Variants in SLC22A24 observed in about 807,000 individuals in gnomAD.
The protein encoded by SLC22A24 is steroid transmembrane transporter SLC22A24.
In SLC22A24, 53 loss-of-function variants were observed where a neutral mutation model predicts 49.8. That is an observed-to-expected ratio of 1.06 (90% CI 0.85 to 1.34). The LOEUF is 1.34. Among genes scored for constraint, SLC22A24 ranks in the 40% most tolerant of loss-of-function variants. SLC22A24 has a pLI of 0.00. For missense variants in SLC22A24, 786 were observed against 675.9 expected (o/e 1.16, Z -1.81); for synonymous variants, 302 against 256.4 (o/e 1.18, Z -1.70).
intron 6 of SLC22A24, among the ~76,000 whole-genome samples, chr11:63,087,024 G>GTGCGCACACACACACA (rs1555045311): frequency 7.5e-6 from 1 of 132,556 alleles, no homozygotes; most frequent in Non-Finnish European, 1.5e-5. Flanking sequence ...CCTGGAGGGC[G>GTGCGCACACACACACA]CACACACACA....
chr11:63,083,119 C>A, intron 7 of SLC22A24, 124 bp downstream of exon 7: 1 of 758,002 alleles, frequency 1.3e-6, no homozygotes, highest in Non-Finnish European at 2.2e-6. Context: ...CTCATATTAA[C>A]TTCAGGGAAT....
chr11:63,083,396 C>A lies in SLC22A24; in HGVS notation c.1132G>T (p.Val378Phe), dbSNP rs776404917. 4 of 1,551,468 alleles carry A rather than the reference C, an allele frequency of 2.6e-6. No individual in the cohort carries two copies. The South Asian group carries it at 4.8e-5, about 18-fold the overall frequency. The change falls in exon 7 of 10, where the codon GTC becomes TTC. Residue 378 changes from valine to phenylalanine, a missense_variant. By Grantham distance (50) the Val-to-Phe change is conservative. Coordinates refer to ENST00000612278, the MANE Select transcript of SLC22A24 (RefSeq NM_001136506.2). ...ILNLQHLGSNVSLFQILCGAV... is the reference protein window; with the variant it reads ...ILNLQHLGSNFSLFQILCGAV... ...CCACAGAGAATCTGGAACAGGGAGA[C>A]ATTGCTCCCTAAGTGCTGCAAGTTG...
In SLC22A24 at chr11:63,096,036, C is replaced by A; in HGVS notation, c.1025G>T (p.Arg342Leu). 1.3e-6 allele frequency: 2 copies of A among 1,550,820 alleles called. No individual in the cohort carries two copies. Among genetic ancestry groups the A allele is most frequent in the South Asian group, 1.2e-5 (1 of 84,020 alleles). ...RIKTSIFSLF[R>L]APKLRMRVFG... ...GACTCTCATTCGCAATTTGGGTGCA[C>A]GGAACAGGGAAAAAATGGATGTTTT... Residue 342 changes from arginine (R) to leucine (L), a missense_variant, in exon 6 of 10, where the codon CGT becomes CTT. Transcript: ENST00000612278.
intron 9 of SLC22A24, 114 bp downstream of exon 9, chr11:63,080,806 G>T: frequency 1.2e-6 from 1 of 857,508 alleles, no homozygotes; most frequent in Non-Finnish European, 1.8e-6. Context: ...AAAAGTCCTA[G>T]GTCTGAGCCT....
chr11:63,131,367 T>C lies in SLC22A24; in HGVS notation c.506+3298A>G, dbSNP rs530146826. 2.6e-5 allele frequency among the ~76,000 whole-genome samples: 4 copies of C among 152,334 alleles called. No individual in the cohort carries two copies. The East Asian group carries it at 7.7e-4, about 29-fold the overall frequency. ...CCTGTTAATTGAGGCAGTGTCTTCA[T>C]AGTGTCAATGGTCTTTACAATTTGG... On this transcript the variant is annotated intron_variant, in intron 2 of 9. Coordinates refer to ENST00000612278, the MANE Select transcript of SLC22A24 (RefSeq NM_001136506.2).
chr11:63,136,125 A>G (rs1183825425), intron 1 of SLC22A24, among the ~76,000 whole-genome samples: 2 of 152,194 alleles, frequency 1.3e-5, no homozygotes, highest in Non-Finnish European at 2.9e-5. Context: ...ACAACAAACC[A>G]TTCCTCAATC....
chr11:63,118,819 C>A (rs2087229863), intron 4 of SLC22A24, 93 bp downstream of exon 4: 1 of 1,339,986 alleles, frequency 7.5e-7, no homozygotes. Context: ...CAGGACTAGG[C>A]CAGAGACCGA....
intron 6 of SLC22A24, among the ~76,000 whole-genome samples, chr11:63,085,182 T>C (rs1281696723): frequency 6.6e-6 from 1 of 152,088 alleles, no homozygotes; most frequent in East Asian, 1.9e-4. Flanking sequence ...GAAAAATTCA[T>C]AGATATAAAA....
chr11:63,099,683 C>G (rs2087078852), intron 5 of SLC22A24, among the ~76,000 whole-genome samples: 1 of 151,972 alleles, frequency 6.6e-6, no homozygotes, highest in South Asian at 2.1e-4. Context: ...CAATGAAATA[C>G]TAGCAAGCCA....
At chr11:63,143,352 C>T in intron 1 of SLC22A24, 26 bp downstream of exon 1, 2 of 1,432,978 alleles carry the variant, frequency 1.4e-6, no homozygotes, top group Non-Finnish European at 1.8e-6. Flanking sequence ...ATCATATAAA[C>T]AGAAGATTTA....
rs187899110 is a variant in SLC22A24 at position 63,108,232 on chromosome 11, A to G, written c.831-3934T>C. Among the ~76,000 whole-genome samples the G allele has an allele frequency of 7.1e-3, 1,087 of 152,254 alleles. 9 individuals carry two copies. Among genetic ancestry groups the G allele is most frequent in the African/African-American group, 0.025 (1,029 of 41,534 alleles). On this transcript the variant is annotated intron_variant, in intron 4 of 9. Transcript: ENST00000612278. ...ATTGGTTCTGTTTATGTGATGGATT[A>G]CATTTATTGATTTGCATATGCCGAA...
At chr11:63,139,739 A>C (rs370437607) in intron 1 of SLC22A24, among the ~76,000 whole-genome samples, 32 of 152,066 alleles carry the variant, frequency 2.1e-4, no homozygotes, top group African/African-American at 7.2e-4. Flanking sequence ...ATAAAATGGC[A>C]CCCCTAATTT....
intron 2 of SLC22A24, among the ~76,000 whole-genome samples, chr11:63,123,915 G>A (rs1218574100): frequency 6.6e-6 from 1 of 152,146 alleles, no homozygotes; most frequent in East Asian, 1.9e-4. Context: ...GGAGGAGTAA[G>A]TCTTTAAAAA....
At chr11:63,080,067 CA>C in intron 9 of SLC22A24, 67 bp from the exon 10 acceptor site, 1 of 1,032,774 alleles carries the variant, frequency 9.7e-7, no homozygotes, top group Non-Finnish European at 1.5e-6. Context: ...ATAGATTAAG[CA>C]TATATATACT....
At chr11:63,089,280 GA>G (rs2087004786) in intron 6 of SLC22A24, among the ~76,000 whole-genome samples, 1 of 152,130 alleles carries the variant, frequency 6.6e-6, no homozygotes, top group African/African-American at 2.4e-5. Flanking sequence ...CATTCTTAAA[GA>G]AAAGAATTTT....
intron 6 of SLC22A24, among the ~76,000 whole-genome samples, chr11:63,087,697 C>T (rs994465174): frequency 2.6e-5 from 4 of 152,182 alleles, no homozygotes; most frequent in African/African-American, 4.8e-5. Context: ...TTGCTGCCAG[C>T]GCAGTAGTCT....
At chr11:63,107,863 A>G (rs1293801437) in intron 4 of SLC22A24, among the ~76,000 whole-genome samples, 1 of 152,142 alleles carries the variant, frequency 6.6e-6, no homozygotes, top group Non-Finnish European at 1.5e-5. Context: ...TAGATATACA[A>G]TCATGTCATC....
chr11:63,119,291 G>A lies in SLC22A24; in HGVS notation c.551C>T (p.Ala184Val), dbSNP rs888648064. The change falls in exon 3 of 10, where the codon GCC becomes GTC. Residue 184 changes from alanine to valine, a missense_variant. By Grantham distance (64) the Ala-to-Val change is moderately conservative. Coordinates refer to ENST00000612278, the MANE Select transcript of SLC22A24 (RefSeq NM_001136506.2). ...GAAGGCCGCACAGGTGTTAGAGATG[G>A]CCAGCTGGAGGAAACACAATTTGCA... is the stretch of plus-strand genomic sequence containing the variant. ...IICKLCFLQL[A>V]ISNTCAAFAP... 5.8e-6 allele frequency: 9 copies of A among 1,550,570 alleles called. No homozygotes were observed. The highest frequency in any genetic ancestry group is 7.8e-6 in the Non-Finnish European group (9 of 1,146,626).
At chr11:63,103,795 A>G (rs1043376588) in intron 5 of SLC22A24, among the ~76,000 whole-genome samples, 1 of 152,210 alleles carries the variant, frequency 6.6e-6, no homozygotes, top group Non-Finnish European at 1.5e-5. Flanking sequence ...AAGGGTCAAA[A>G]TCACATTTAA....
Sources: gnomAD v4.1 joint callset for allele counts (sites outside exome capture counted in the v4.1 genomes callset) on GRCh38, gnomAD v4.1.1 for gene constraint, MANE v1.5 for transcripts, NCBI Gene and HGNC (gene_info 2026-07-23, HGNC 2026-07-21) for gene names.